CPLX2: variants seen among roughly 807,000 people sequenced by gnomAD.
CPLX2 encodes complexin-2.
In CPLX2, 5 loss-of-function variants were observed where a neutral mutation model predicts 16.3. The observed-to-expected ratio is 0.31, with a 90% CI of 0.16 to 0.64. The LOEUF is 0.64. Ranked by LOEUF, CPLX2 falls within the 30% of genes least tolerant of loss-of-function variation. The pLI, the probability that CPLX2 is intolerant of heterozygous loss-of-function variation, is 0.79. For synonymous variants in CPLX2, 89 were observed against 73.2 expected (o/e 1.22, Z -1.10); for missense variants, 144 against 181.4 (o/e 0.79, Z 1.18).
intron 2 of CPLX2, among the ~76,000 whole-genome samples, chr5:175,848,104 T>C (rs892776730): frequency 1.3e-5 from 2 of 152,052 alleles, no homozygotes; most frequent in Non-Finnish European, 1.5e-5. Flanking sequence ...CTGCAGGAGA[T>C]GGGAGATAGT....
intron 2 of CPLX2, among the ~76,000 whole-genome samples, chr5:175,822,431 T>C (rs552894941): frequency 3.9e-5 from 6 of 152,324 alleles, no homozygotes; most frequent in African/African-American, 1.2e-4. Context: ...CCTAGGGCTA[T>C]TGTACAAACC....
Position 175,849,298 on chromosome 5 carries a change from T to G in CPLX2, c.-88-29354T>G, listed in dbSNP as rs1454509002. Among the ~76,000 whole-genome samples, 1 of 152,150 alleles carries G rather than the reference T, an allele frequency of 6.6e-6. No homozygotes were observed. Among genetic ancestry groups the G allele is most frequent in the African/African-American group, 2.4e-5 (1 of 41,446 alleles). On this transcript the variant is annotated intron_variant, in intron 2 of 4. Transcript: ENST00000359546. The surrounding 1 kb of genome is among the most constrained non-coding windows in gnomAD (Gnocchi z 4.4). ...CGGCTACCCTTGGGTGAGGACAGGGTAGTGTGCTCTCTGATTCCAAAGGGA... is the reference window on the plus strand; with the variant it reads ...CGGCTACCCTTGGGTGAGGACAGGGGAGTGTGCTCTCTGATTCCAAAGGGA...
chr5:175,879,522 C>T (rs1755516733), intron 3 of CPLX2, among the ~76,000 whole-genome samples: 1 of 152,224 alleles, frequency 6.6e-6, no homozygotes, highest in Non-Finnish European at 1.5e-5. Context: ...AGTAGTCTTC[C>T]ATTGGTTCAA....
At chr5:175,847,294 T>C (rs1759061934) in intron 2 of CPLX2, among the ~76,000 whole-genome samples, 1 of 152,112 alleles carries the variant, frequency 6.6e-6, no homozygotes, top group Non-Finnish European at 1.5e-5. Flanking sequence ...TGGAAAACTT[T>C]GCAAATGAGG....
In CPLX2 at chr5:175,809,451, A is replaced by C. The variant is rs951320840; in HGVS notation, c.-89+383A>C. ...ATGTCCGTATCCCAATGGCCTGTGC[A>C]CATTGTAGGTGCTTGGTACATGTTT... On this transcript the variant is annotated intron_variant, in intron 2 of 4. Coordinates refer to the CPLX2 transcript ENST00000359546. This position sits in a 1 kb window ranked among gnomAD's most constrained non-coding sequence, Gnocchi z 4.4. 3 of 152,260 alleles carry C rather than the reference A, an allele frequency of 2.0e-5. No homozygotes were observed. Among genetic ancestry groups the C allele is most frequent in the Non-Finnish European group, 2.9e-5 (2 of 68,064 alleles). 9.4% of individuals were successfully genotyped at this position (152,260 alleles called of 1,614,324 possible).
At chr5:175,807,732 A>T (rs1489210953) in intron 1 of CPLX2, among the ~76,000 whole-genome samples, 1 of 152,166 alleles carries the variant, frequency 6.6e-6, no homozygotes, top group Non-Finnish European at 1.5e-5. Context: ...ACATATACTT[A>T]TCAAGTCCTG....
chr5:175,853,097 T>C (rs1032856175), intron 2 of CPLX2, among the ~76,000 whole-genome samples: 2 of 152,254 alleles, frequency 1.3e-5, no homozygotes, highest in Middle Eastern at 3.2e-3. Context: ...CATTGTTACC[T>C]TCTGTTAATA....
intron 2 of CPLX2, 26 bp downstream of exon 2, chr5:175,878,796 T>C (rs765028650): frequency 1.2e-6 from 2 of 1,612,156 alleles, no homozygotes; most frequent in Non-Finnish European, 1.7e-6. Flanking sequence ...CCTCCGCGTG[T>C]CCTCAGCCGG....
At chr5:175,869,553 C>T (rs559646031), upstream of CPLX2, among the ~76,000 whole-genome samples, 1 of 152,312 alleles carries the variant, frequency 6.6e-6, no homozygotes, top group East Asian at 1.9e-4. Context: ...TCCGCTACAA[C>T]AGTTATTCAT....
chr5:175,855,504 A>C (rs1759237338), intron 2 of CPLX2, among the ~76,000 whole-genome samples: 1 of 152,200 alleles, frequency 6.6e-6, no homozygotes, highest in Non-Finnish European at 1.5e-5. Context: ...TGATAAGTTC[A>C]AGGGTAGATC....
chr5:175,875,729 T>C (rs1759741874), intron 1 of CPLX2, among the ~76,000 whole-genome samples: 1 of 151,718 alleles, frequency 6.6e-6, no homozygotes, highest in East Asian at 1.9e-4. Context: ...AAAAGGAGAA[T>C]TGGTTGGGAG....
chr5:175,868,944 T>C (rs1759528759), upstream of CPLX2, among the ~76,000 whole-genome samples: 1 of 152,210 alleles, frequency 6.6e-6, no homozygotes. Context: ...ACATAAGTGC[T>C]TGTGTAAATT....
intron 2 of CPLX2, among the ~76,000 whole-genome samples, chr5:175,857,745 TG>T (rs1759288039): frequency 6.6e-6 from 1 of 152,226 alleles, no homozygotes; most frequent in Non-Finnish European, 1.5e-5. Context: ...CATTGTAAGT[TG>T]GGAGCCATTG....
chr5:175,847,340 T>G (rs1759062794), intron 2 of CPLX2, among the ~76,000 whole-genome samples: 1 of 152,120 alleles, frequency 6.6e-6, no homozygotes, highest in Non-Finnish European at 1.5e-5. Flanking sequence ...CAAGGCAATC[T>G]GAGAAGCAGG....
rs1330246891 is a variant in CPLX2, at chr5:175,878,545, C to T, written c.-88-107C>T. The T allele has an allele frequency of 1.6e-5, 10 of 631,500 alleles. No homozygotes were observed. The Admixed American group carries it at 2.4e-4, about 15-fold the overall frequency. 39.1% of individuals were successfully genotyped at this position (631,500 alleles called of 1,614,324 possible). On this transcript the variant is annotated intron_variant, in intron 1 of 3. Coordinates refer to ENST00000393745, the MANE Select transcript of CPLX2 (RefSeq NM_001008220.2). ...AGGGCATTGGGTCTTGACCTCAGAG[C>T]GATGGGTGCCTGGTGTCTGAACCAG...
intron 2 of CPLX2, among the ~76,000 whole-genome samples, chr5:175,860,220 G>A (rs1378736464): frequency 6.6e-6 from 1 of 152,132 alleles, no homozygotes; most frequent in Non-Finnish European, 1.5e-5. Context: ...GTCAGGCACT[G>A]TGGCTCATGC....
intron 2 of CPLX2, among the ~76,000 whole-genome samples, chr5:175,819,808 G>A (rs1758473694): frequency 6.6e-6 from 1 of 152,216 alleles, no homozygotes; most frequent in Non-Finnish European, 1.5e-5. Context: ...AGAGGTGAAG[G>A]GCCTGCCCAA....
chr5:175,866,746 T>C (rs547450330), upstream of CPLX2, among the ~76,000 whole-genome samples: 1 of 151,946 alleles, frequency 6.6e-6, no homozygotes, highest in South Asian at 2.1e-4. Context: ...TGAGTCAGAG[T>C]TCATATGTTG....
intron 2 of CPLX2, among the ~76,000 whole-genome samples, chr5:175,823,781 A>G (rs1472226903): frequency 6.6e-6 from 1 of 152,104 alleles, no homozygotes; most frequent in Non-Finnish European, 1.5e-5. Context: ...CTTGGCCACT[A>G]CTTGAGGTGA....
Sources: gnomAD v4.1 joint callset for allele counts (sites outside exome capture counted in the v4.1 genomes callset) on GRCh38, gnomAD v4.1.1 for gene constraint, Gnocchi (gnomAD v3.1) non-coding constraint, MANE v1.5 for transcripts, NCBI Gene and HGNC (gene_info 2026-07-23, HGNC 2026-07-21) for gene names.